Variants in MEIS1 observed in about 807,000 individuals in gnomAD.
MEIS1 encodes homeobox protein Meis1.
In MEIS1, 5 loss-of-function variants were observed where a neutral mutation model predicts 50.8. That is an observed-to-expected ratio of 0.10 (90% CI 0.05 to 0.21). The LOEUF (loss-of-function observed/expected upper bound fraction) is 0.21. Among genes scored for constraint, MEIS1 ranks in the 10% least tolerant of loss-of-function variants. The pLI is 1.00. For synonymous variants in MEIS1, 176 were observed against 179.3 expected (o/e 0.98, Z 0.15); for missense variants, 318 against 517.3 (o/e 0.61, Z 3.74).
At chr2:66,525,628 G>A (rs564509010) in intron 8 of MEIS1, among the ~76,000 whole-genome samples, 62 of 152,260 alleles carry the variant, frequency 4.1e-4, no homozygotes, top group Non-Finnish European at 6.5e-4. Flanking sequence ...ACTTTCATTG[G>A]ATCCCTCAAG....
chr2:66,466,710 C>T (rs1274637004), intron 7 of MEIS1, among the ~76,000 whole-genome samples: 2 of 152,186 alleles, frequency 1.3e-5, no homozygotes, highest in Non-Finnish European at 2.9e-5. Flanking sequence ...TTTTAGTCAA[C>T]TGGGTAAATA....
chr2:66,480,123 T>C (rs1215862680), intron 7 of MEIS1, among the ~76,000 whole-genome samples: 3 of 152,172 alleles, frequency 2.0e-5, no homozygotes, highest in African/African-American at 7.2e-5. Flanking sequence ...CAAATGCTCA[T>C]AGAATAGAAA....
intron 7 of MEIS1, among the ~76,000 whole-genome samples, chr2:66,473,397 A>AAAAAAAAAAAATATATAT: frequency 8.4e-5 from 9 of 107,584 alleles, no homozygotes; most frequent in East Asian, 4.6e-4. Flanking sequence ...AAAAAAAAAA[A>AAAAAAAAAAAATATATAT]ATATATATAT....
rs939136 is a variant in MEIS1, at chr2:66,450,399, G to T, written c.630+7351G>T. 1.6e-4 allele frequency among the ~76,000 whole-genome samples: 25 copies of T among 152,026 alleles called. 1 individual carries two copies. The South Asian group carries it at 4.8e-3, about 29-fold the overall frequency. On this transcript the variant is annotated intron_variant, in intron 6 of 12. Coordinates refer to ENST00000272369, the MANE Select transcript of MEIS1 (RefSeq NM_002398.3). ...GAGGCAGGAGGATCACTTGTGCTGA[G>T]GAGCTGCCAGCTTGGGCAATATAAC...
At chr2:66,473,378 C>CAAAAAA (rs71409174) in intron 7 of MEIS1, among the ~76,000 whole-genome samples, 7 of 53,910 alleles carry the variant, frequency 1.3e-4, no homozygotes, top group African/African-American at 5.9e-4. Context: ...GACTCCATGT[C>CAAAAAA]AAAAAAAAAA....
chr2:66,569,127 A>T lies in MEIS1; in HGVS notation c.*19A>T, dbSNP rs768653664. On this transcript the variant is annotated 3_prime_UTR_variant, in exon 12 of 13. Coordinates refer to ENST00000272369, the MANE Select transcript of MEIS1 (RefSeq NM_002398.3). ...CATGTAACCTTCATCTAGTTAACCAATCGCAAAGCAAGGGGGAAGTAAGTA... is the reference window on the plus strand; with the variant it reads ...CATGTAACCTTCATCTAGTTAACCATTCGCAAAGCAAGGGGGAAGTAAGTA... 5 of 1,611,900 alleles carry T rather than the reference A, an allele frequency of 3.1e-6. No homozygotes were observed. The highest frequency in any genetic ancestry group is 4.2e-6 in the Non-Finnish European group (5 of 1,179,262).
intron 1 of MEIS1, among the ~76,000 whole-genome samples, chr2:66,436,601 G>A (rs1378603251): frequency 6.6e-6 from 1 of 152,168 alleles, no homozygotes; most frequent in Non-Finnish European, 1.5e-5. Context: ...TTGTGTCCTG[G>A]CCCTCAAAGC....
rs551126046 is a variant in MEIS1 at position 66,458,212 on chromosome 2, ATGAC to A, written c.631-5890_631-5887del. ...TTCTGGCATCATACTGATGTGGTGA[ATGAC>A]TGACTGGGAAGATGTGTCAAGATGC... On this transcript the variant is annotated intron_variant, in intron 6 of 12. Coordinates refer to ENST00000272369, the MANE Select transcript of MEIS1 (RefSeq NM_002398.3). Among the ~76,000 whole-genome samples the A allele has an allele frequency of 1.1e-3, 170 of 152,316 alleles. 2 individuals carry two copies. The highest frequency in any genetic ancestry group is 1.7e-3 in the Non-Finnish European group (116 of 68,014).
At chr2:66,461,360 A>G (rs528730475) in intron 6 of MEIS1, among the ~76,000 whole-genome samples, 2 of 152,318 alleles carry the variant, frequency 1.3e-5, no homozygotes, top group East Asian at 3.9e-4. Flanking sequence ...TTCATGAGCT[A>G]TTTCTGATAC....
At chr2:66,466,941 T>TA (rs397944047) in intron 7 of MEIS1, among the ~76,000 whole-genome samples, 17,740 of 130,334 alleles carry the variant, frequency 0.14, 2,020 homozygotes, top group African/African-American at 0.33. Context: ...CACCTGTGGT[T>TA]AAAAAAAAAA....
intron 6 of MEIS1, among the ~76,000 whole-genome samples, chr2:66,457,168 T>A (rs1672411118): frequency 6.6e-6 from 1 of 151,896 alleles, no homozygotes; most frequent in Non-Finnish European, 1.5e-5. Context: ...GGGATTTTTT[T>A]TTTTTTTTTT....
chr2:66,519,016 A>T (rs140953335), intron 8 of MEIS1, among the ~76,000 whole-genome samples: 548 of 152,290 alleles, frequency 3.6e-3, no homozygotes, highest in Middle Eastern at 6.8e-3. Flanking sequence ...TGTGAGTATA[A>T]CTATCTGCTC....
At chr2:66,549,147 A>G (rs548397676) in intron 9 of MEIS1, among the ~76,000 whole-genome samples, 2 of 152,298 alleles carry the variant, frequency 1.3e-5, no homozygotes, top group South Asian at 2.1e-4. Context: ...AATCCCATGT[A>G]TTCTTCAATT....
At chr2:66,439,716 AAGT>A (rs1442177018) in intron 2 of MEIS1, 124 bp from the exon 3 acceptor site, 4 of 1,561,114 alleles carry the variant, frequency 2.6e-6, no homozygotes, top group Non-Finnish European at 2.6e-6. Flanking sequence ...AAAAGGAAAA[AAGT>A]AGATGACACA....
chr2:66,499,115 G>T (rs1271935590), intron 7 of MEIS1, among the ~76,000 whole-genome samples: 1 of 152,164 alleles, frequency 6.6e-6, no homozygotes, highest in South Asian at 2.1e-4. Context: ...AGGAGAGAAG[G>T]TCAGATGCAA....
chr2:66,536,008 A>G (rs1674509063), intron 8 of MEIS1, among the ~76,000 whole-genome samples: 1 of 152,232 alleles, frequency 6.6e-6, no homozygotes, highest in South Asian at 2.1e-4. Flanking sequence ...TTGAATCTTA[A>G]CTTCAGATCT....
intron 6 of MEIS1, among the ~76,000 whole-genome samples, chr2:66,446,360 A>T (rs1166537216): frequency 6.6e-6 from 1 of 152,006 alleles, no homozygotes. Flanking sequence ...CACTCCTTGA[A>T]TCTAAGCATT....
chr2:66,504,937 C>A (rs1264366824), intron 7 of MEIS1, among the ~76,000 whole-genome samples: 1 of 152,034 alleles, frequency 6.6e-6, no homozygotes, highest in South Asian at 2.1e-4. Flanking sequence ...AATCACTTTG[C>A]GCTAAGAACA....
chr2:66,457,385 G>A (rs537845817), intron 6 of MEIS1, among the ~76,000 whole-genome samples: 8 of 152,088 alleles, frequency 5.3e-5, no homozygotes, highest in East Asian at 1.9e-4. Flanking sequence ...ATTTCAGTAC[G>A]AGTTTCAGTA....
Sources: allele counts gnomAD v4.1 joint callset (sites outside exome capture counted in the v4.1 genomes callset), GRCh38; gene constraint gnomAD v4.1.1; transcripts MANE v1.5; gene names NCBI Gene and HGNC (gene_info 2026-07-23, HGNC 2026-07-21).